PPFIA2: variants seen among roughly 807,000 people sequenced by gnomAD.
PPFIA2 encodes liprin-alpha-2.
In PPFIA2, 46 loss-of-function variants were observed where a neutral mutation model predicts 175.5. The observed-to-expected ratio is 0.26, with a 90% CI of 0.21 to 0.34. PPFIA2 has a LOEUF of 0.34. Among genes scored for constraint, PPFIA2 ranks in the 10% least tolerant of loss-of-function variants. The pLI is 1.00. For missense variants in PPFIA2, 1,179 were observed against 1,506.1 expected, an observed-to-expected ratio of 0.78 and a Z score of 3.60; for synonymous variants, 568 against 511.4, an observed-to-expected ratio of 1.11 and a Z score of -1.49.
chr12:81,739,945 A>G (rs1256220127), intron 3 of PPFIA2, among the ~76,000 whole-genome samples: 1 of 152,136 alleles, frequency 6.6e-6, no homozygotes, highest in Non-Finnish European at 1.5e-5. Flanking sequence ...TAGTCTTTGT[A>G]CTTGCCTGGA....
At chr12:81,638,621 G>A (rs1048929643) in intron 4 of PPFIA2, among the ~76,000 whole-genome samples, 8 of 147,854 alleles carry the variant, frequency 5.4e-5, no homozygotes, top group African/African-American at 1.5e-4. Flanking sequence ...TTAGGGTTCT[G>A]TACCTAGTAT....
chr12:81,391,365 G>A (rs749736693), intron 8 of PPFIA2, among the ~76,000 whole-genome samples: 7 of 151,892 alleles, frequency 4.6e-5, no homozygotes, highest in Non-Finnish European at 7.4e-5. Context: ...CAGAAAACAT[G>A]TGCTATAAGG....
intron 29 of PPFIA2, 181 bp from the exon 30 acceptor site, chr12:81,267,201 T>TC: frequency 1.9e-6 from 1 of 538,084 alleles, no homozygotes; most frequent in South Asian, 1.8e-5. Context: ...AACAGGGCTT[T>TC]TTTTTTTTTT....
At chr12:81,437,125 T>C (rs2049204925) in intron 7 of PPFIA2, among the ~76,000 whole-genome samples, 1 of 152,186 alleles carries the variant, frequency 6.6e-6, no homozygotes, top group Non-Finnish European at 1.5e-5. Flanking sequence ...AAAACTCTAT[T>C]CCAGAAAACA....
intron 3 of PPFIA2, among the ~76,000 whole-genome samples, chr12:81,728,586 T>C (rs1201622963): frequency 6.6e-6 from 1 of 151,504 alleles, no homozygotes; most frequent in East Asian, 1.9e-4. Flanking sequence ...TATAGTTTGT[T>C]CTGTAACTAT....
chr12:81,274,483 T>C (rs1262485361), intron 28 of PPFIA2, among the ~76,000 whole-genome samples: 1 of 152,144 alleles, frequency 6.6e-6, no homozygotes, highest in Non-Finnish European at 1.5e-5. Flanking sequence ...AAAGCATTAA[T>C]TCAAACGTTT....
intron 4 of PPFIA2, among the ~76,000 whole-genome samples, chr12:81,559,304 A>G (rs1567327043): frequency 6.6e-6 from 1 of 152,216 alleles, no homozygotes; most frequent in African/African-American, 2.4e-5. Flanking sequence ...GTGTGGATGC[A>G]TGTGCATGCA....
intron 4 of PPFIA2, among the ~76,000 whole-genome samples, chr12:81,662,135 A>T (rs543092185): frequency 1.3e-5 from 2 of 152,300 alleles, no homozygotes; most frequent in East Asian, 3.9e-4. Flanking sequence ...TCACAATTAA[A>T]AGAACTAGAG....
intron 22 of PPFIA2, among the ~76,000 whole-genome samples, chr12:81,300,983 CAATACAATAT>C (rs2047686964): frequency 6.6e-6 from 1 of 151,712 alleles, no homozygotes; most frequent in African/African-American, 2.4e-5. Context: ...AAATACAATA[CAATACAATAT>C]AATACAATAC....
intron 4 of PPFIA2, chr12:81,675,518 A>G (rs565809604): frequency 1.3e-5 from 2 of 152,138 alleles, no homozygotes; most frequent in Non-Finnish European, 2.9e-5. Context: ...TTTGCTTTGA[A>G]CAAGAGACAA....
chr12:81,306,730 T>TG (rs112205405), intron 22 of PPFIA2, among the ~76,000 whole-genome samples: 4,687 of 151,730 alleles, frequency 0.031, 273 homozygotes, highest in African/African-American at 0.11. Context: ...TTAGTAGAGA[T>TG]GGGGTTTCAC....
At chr12:81,688,600 TAA>T (rs1016428761) in intron 3 of PPFIA2, among the ~76,000 whole-genome samples, 1 of 143,668 alleles carries the variant, frequency 7.0e-6, no homozygotes, top group African/African-American at 2.5e-5. Flanking sequence ...AATACTGGCT[TAA>T]AAAAAAAAAA....
intron 3 of PPFIA2, among the ~76,000 whole-genome samples, chr12:81,735,710 G>A (rs1039541291): frequency 2.0e-5 from 3 of 151,592 alleles, no homozygotes; most frequent in African/African-American, 7.2e-5. Context: ...AGAGTGTATC[G>A]TTTTGCTCTT....
chr12:81,479,235 G>T (rs1473658700), intron 4 of PPFIA2, among the ~76,000 whole-genome samples: 1 of 152,026 alleles, frequency 6.6e-6, no homozygotes, highest in East Asian at 1.9e-4. Context: ...GACCAGGATT[G>T]CAACCCCTGC....
At chr12:81,301,642 C>T (rs1402081797) in intron 22 of PPFIA2, among the ~76,000 whole-genome samples, 3 of 152,146 alleles carry the variant, frequency 2.0e-5, no homozygotes, top group Admixed American at 6.5e-5. Context: ...CTATCGTACC[C>T]GCGCCATCTC....
intron 4 of PPFIA2, among the ~76,000 whole-genome samples, chr12:81,516,013 A>G (rs2147925400): frequency 6.6e-6 from 1 of 151,984 alleles, no homozygotes; most frequent in East Asian, 1.9e-4. Flanking sequence ...TTTTAAAGAT[A>G]TTATATTTTT....
intron 8 of PPFIA2, among the ~76,000 whole-genome samples, chr12:81,403,011 G>T (rs1596140903): frequency 6.6e-6 from 1 of 151,778 alleles, no homozygotes; most frequent in African/African-American, 2.4e-5. Context: ...CACATTTTAG[G>T]TTTACACCAA....
rs1313065505 is a variant in PPFIA2, at chr12:81,336,908, T to C, written c.2548+2272A>G. On this transcript the variant is annotated intron_variant, in intron 21 of 32. Transcript: ENST00000549396. The stretch of plus-strand genomic sequence containing the variant: ...TAAAATCATAATCACTCGAGATTTT[T>C]CCCTAGGTTCCTCAGATGCATGAAT... Among the ~76,000 whole-genome samples the C allele has an allele frequency of 2.0e-5, 3 of 152,264 alleles. No individual in the cohort carries two copies. The East Asian group carries it at 5.8e-4, about 29-fold the overall frequency.
In PPFIA2 at chr12:81,348,136, T is replaced by TA. The variant is rs144015969; in HGVS notation, c.1995-367dup. Among the ~76,000 whole-genome samples, 8 of 152,260 alleles carry TA rather than the reference T, an allele frequency of 5.3e-5. No individual in the cohort carries two copies. The East Asian group carries it at 1.4e-3, about 26-fold the overall frequency. On this transcript the variant is annotated intron_variant, in intron 17 of 32. Coordinates refer to ENST00000549396, the MANE Select transcript of PPFIA2 (RefSeq NM_003625.5). ...CCTCAGGAACCACTAAAAGAGACTT[T>TA]AGAAACTCAGCCTTGAGATGGCAAA...
Sources: gnomAD v4.1 joint callset for allele counts (sites outside exome capture counted in the v4.1 genomes callset) on GRCh38, gnomAD v4.1.1 for gene constraint, MANE v1.5 for transcripts, NCBI Gene and HGNC (gene_info 2026-07-23, HGNC 2026-07-21) for gene names.